Variants in EFNA5 observed in about 807,000 individuals in gnomAD.
EFNA5 encodes ephrin A5.
EFNA5 carries 5 observed loss-of-function variants against 22.9 expected under a neutral mutation model. The ratio of observed to expected loss-of-function variants is 0.22; its 90% CI spans 0.11 to 0.46. The LOEUF is 0.46. EFNA5 is among the 20% of genes least tolerant of loss of function. The probability of loss-of-function intolerance (pLI) is 0.99; values close to 1 mark genes in which losing one functional copy is unlikely to be tolerated. For synonymous variants in EFNA5, 113 were observed against 112.2 expected (o/e 1.01, Z -0.04); for missense variants, 237 against 293.3 (o/e 0.81, Z 1.40).
intron 1 of EFNA5, among the ~76,000 whole-genome samples, chr5:107,495,694 C>T (rs1022570461): frequency 2.6e-5 from 4 of 152,138 alleles, no homozygotes; most frequent in Non-Finnish European, 4.4e-5. Flanking sequence ...CTCCTTGGCG[C>T]CTCCTCTCCA....
chr5:107,535,176 CT>C lies in EFNA5; in HGVS notation c.126-107668del, dbSNP rs572875736. On this transcript the variant is annotated intron_variant, in intron 1 of 4. Coordinates refer to ENST00000333274, the MANE Select transcript of EFNA5 (RefSeq NM_001962.3). ...AGTGGCATTCAACAGCGGTGGGTAC[CT>C]AGGTAGGTAGACAGAGGACTGCAGA... Among the ~76,000 whole-genome samples the C allele has an allele frequency of 1.4e-3, 216 of 152,120 alleles. 1 individual carries two copies. The highest frequency in any genetic ancestry group is 5.1e-3 in the African/African-American group (210 of 41,512).
At chr5:107,398,658 G>A (rs961983252) in intron 2 of EFNA5, among the ~76,000 whole-genome samples, 6 of 151,800 alleles carry the variant, frequency 4.0e-5, no homozygotes, top group African/African-American at 7.3e-5. Context: ...AACAGCCTGG[G>A]CAACGTGGCA....
intron 1 of EFNA5, among the ~76,000 whole-genome samples, chr5:107,652,386 C>A (rs369273388): frequency 6.6e-6 from 1 of 152,192 alleles, no homozygotes; most frequent in Non-Finnish European, 1.5e-5. Flanking sequence ...GTTTCTGATA[C>A]CCCTGAACAG....
intron 2 of EFNA5, among the ~76,000 whole-genome samples, chr5:107,388,275 A>C (rs1747691260): frequency 6.6e-6 from 1 of 152,176 alleles, no homozygotes; most frequent in African/African-American, 2.4e-5. Flanking sequence ...TCTGTACTGA[A>C]AGCTTGTCTG....
At chr5:107,626,204 G>T (rs164696) in intron 1 of EFNA5, among the ~76,000 whole-genome samples, 22,751 of 152,170 alleles carry the variant, frequency 0.15, 2,058 homozygotes, top group Admixed American at 0.21. Flanking sequence ...AGTAAATGCA[G>T]AACCACCATT....
At position 107,419,412 on chromosome 5, in the gene EFNA5, C is replaced by A. The variant is rs149563930; in HGVS notation, c.418+7805G>T. Among the ~76,000 whole-genome samples the A allele has an allele frequency of 3.0e-3, 455 of 152,234 alleles. 1 individual carries two copies. Among genetic ancestry groups the A allele is most frequent in the Non-Finnish European group, 5.5e-3 (372 of 68,026 alleles). On this transcript the variant is annotated intron_variant, in intron 2 of 4. Coordinates refer to ENST00000333274, the MANE Select transcript of EFNA5 (RefSeq NM_001962.3). ...GGAGTATACAAAGCGAATAGAAGGA[C>A]TATTTTCAAATAGAGACCCGATATA...
At chr5:107,670,427 C>G (rs1160898252) in intron 1 of EFNA5, 62 bp downstream of exon 1, 2 of 1,501,124 alleles carry the variant, frequency 1.3e-6, no homozygotes, top group South Asian at 1.3e-5. Flanking sequence ...TCCCCGCCGC[C>G]GCTCCTTCCG....
At chr5:107,506,405 G>A (rs1747251070) in intron 1 of EFNA5, among the ~76,000 whole-genome samples, 1 of 152,202 alleles carries the variant, frequency 6.6e-6, no homozygotes, top group Non-Finnish European at 1.5e-5. Context: ...GTAAGTATTT[G>A]TGTTTGATAA....
intron 1 of EFNA5, among the ~76,000 whole-genome samples, chr5:107,598,823 T>C (rs1006482640): frequency 6.6e-6 from 1 of 152,210 alleles, no homozygotes; most frequent in Non-Finnish European, 1.5e-5. Context: ...AATTTTAATA[T>C]TTCACTGTAT....
At chr5:107,520,222 T>C (rs543475679) in intron 1 of EFNA5, among the ~76,000 whole-genome samples, 2 of 152,352 alleles carry the variant, frequency 1.3e-5, no homozygotes, top group South Asian at 4.1e-4. Context: ...TCTCTCGCTG[T>C]ACTTGCTTGT....
intron 1 of EFNA5, among the ~76,000 whole-genome samples, chr5:107,589,237 C>T (rs1325146907): frequency 3.3e-5 from 5 of 152,168 alleles, no homozygotes; most frequent in Admixed American, 1.3e-4. Context: ...TAACTACAAA[C>T]GCTAAGCATA....
intron 1 of EFNA5, among the ~76,000 whole-genome samples, chr5:107,595,815 TC>T (rs1749462336): frequency 6.6e-6 from 1 of 152,160 alleles, no homozygotes; most frequent in Admixed American, 6.5e-5. Flanking sequence ...TTTACTGATC[TC>T]TAAAATGGGG....
At chr5:107,588,292 A>G (rs1317690561) in intron 1 of EFNA5, among the ~76,000 whole-genome samples, 1 of 151,478 alleles carries the variant, frequency 6.6e-6, no homozygotes, top group African/African-American at 2.4e-5. Context: ...TTCCACATTT[A>G]GAGTACATAA....
chr5:107,592,415 G>C (rs1033562260), intron 1 of EFNA5, among the ~76,000 whole-genome samples: 1 of 152,030 alleles, frequency 6.6e-6, no homozygotes, highest in African/African-American at 2.4e-5. Flanking sequence ...CTTCAGTAAA[G>C]TGAAGCGAAA....
intron 1 of EFNA5, among the ~76,000 whole-genome samples, chr5:107,460,987 A>C (rs1749823368): frequency 6.6e-6 from 1 of 152,154 alleles, no homozygotes; most frequent in African/African-American, 2.4e-5. Context: ...ATCAAAACCA[A>C]AGAGAACAAT....
At chr5:107,594,079 G>C (rs1749427523) in intron 1 of EFNA5, among the ~76,000 whole-genome samples, 1 of 152,022 alleles carries the variant, frequency 6.6e-6, no homozygotes. Context: ...AACTTGAATG[G>C]AAAAAAGGCA....
intron 1 of EFNA5, among the ~76,000 whole-genome samples, chr5:107,431,323 G>A (rs1465500919): frequency 6.6e-6 from 1 of 152,190 alleles, no homozygotes; most frequent in Non-Finnish European, 1.5e-5. Context: ...TTAGGTTGGT[G>A]CAAAAGTAAT....
intron 1 of EFNA5, among the ~76,000 whole-genome samples, chr5:107,664,933 A>G (rs1453009949): frequency 6.6e-6 from 1 of 152,188 alleles, no homozygotes; most frequent in Non-Finnish European, 1.5e-5. Flanking sequence ...TTGCTACCGA[A>G]GTTATTCAAC....
intron 1 of EFNA5, among the ~76,000 whole-genome samples, chr5:107,648,240 T>C (rs1192337838): frequency 6.6e-6 from 1 of 152,144 alleles, no homozygotes; most frequent in Non-Finnish European, 1.5e-5. Context: ...ACATTATTTA[T>C]ATATTTTTAA....
Sources: gnomAD v4.1 joint callset for allele counts (sites outside exome capture counted in the v4.1 genomes callset) on GRCh38, gnomAD v4.1.1 for gene constraint, MANE v1.5 for transcripts, NCBI Gene and HGNC (gene_info 2026-07-23, HGNC 2026-07-21) for gene names.